The following TRANK1 variants were observed in gnomAD, a reference collection of about 807,000 sequenced individuals.
TRANK1 encodes TPR and ankyrin repeat-containing protein 1.
Under a neutral mutation model 266.0 loss-of-function variants are expected in TRANK1, and 198 were observed. That is an observed-to-expected ratio of 0.74 (90% CI 0.66 to 0.84). The LOEUF (loss-of-function observed/expected upper bound fraction) is 0.84. TRANK1 is among the 40% of genes least tolerant of loss of function. The pLI, the probability that TRANK1 is intolerant of heterozygous loss-of-function variation, is 0.00. For synonymous variants in TRANK1, 1,396 were observed against 1,384.1 expected (o/e 1.01, Z -0.19); for missense variants, 3,326 against 3,634.6 (o/e 0.92, Z 2.18).
intron 9 of TRANK1, among the ~76,000 whole-genome samples, chr3:36,867,848 C>T (rs144347305): frequency 5.8e-4 from 88 of 152,340 alleles, no homozygotes; most frequent in African/African-American, 1.7e-3. Flanking sequence ...ATTATAACAT[C>T]GATGAGAAAA....
intron 9 of TRANK1, among the ~76,000 whole-genome samples, chr3:36,866,115 A>T (rs1246579712): frequency 2.7e-5 from 4 of 150,342 alleles, no homozygotes; most frequent in African/African-American, 9.9e-5. Context: ...AAAGAAAGAA[A>T]GAGTCACCGA....
At chr3:36,830,505 A>C (rs1291424316) in intron 22 of TRANK1, among the ~76,000 whole-genome samples, 14 of 152,178 alleles carry the variant, frequency 9.2e-5, no homozygotes, top group Non-Finnish European at 2.9e-5. Context: ...TTAACACCTT[A>C]AACATTTTCC....
intron 1 of TRANK1, among the ~76,000 whole-genome samples, chr3:36,919,232 A>G (rs1358617195): frequency 6.6e-6 from 1 of 152,106 alleles, no homozygotes; most frequent in Admixed American, 6.6e-5. Flanking sequence ...ATACCCATCT[A>G]CCCATCTAAC....
At chr3:36,936,062 C>A (rs2080421130) in intron 1 of TRANK1, among the ~76,000 whole-genome samples, 1 of 152,114 alleles carries the variant, frequency 6.6e-6, no homozygotes, top group Non-Finnish European at 1.5e-5. Context: ...GGTCAGCAAA[C>A]AAGGTAACAT....
intron 20 of TRANK1, among the ~76,000 whole-genome samples, chr3:36,836,288 G>A (rs2125512073): frequency 6.9e-6 from 1 of 144,932 alleles, no homozygotes; most frequent in South Asian, 2.2e-4. Flanking sequence ...AAGACATACT[G>A]TGCCAAGGTG....
At chr3:36,905,239 C>A (rs1364760435) in intron 2 of TRANK1, among the ~76,000 whole-genome samples, 1 of 149,506 alleles carries the variant, frequency 6.7e-6, no homozygotes, top group Non-Finnish European at 1.5e-5. Flanking sequence ...TGCAGTGAGC[C>A]GAGATCGTGC....
chr3:36,912,614 A>T (rs974878004), intron 1 of TRANK1, among the ~76,000 whole-genome samples: 1 of 152,250 alleles, frequency 6.6e-6, no homozygotes, highest in African/African-American at 2.4e-5. Context: ...AAGAAGATGC[A>T]AGAAAAATGC....
chr3:36,905,493 A>G (rs2079952315), intron 2 of TRANK1, among the ~76,000 whole-genome samples: 1 of 152,194 alleles, frequency 6.6e-6, no homozygotes, highest in Non-Finnish European at 1.5e-5. Context: ...ACAAGCCAGG[A>G]AGACAGCCCT....
At position 36,851,796 on chromosome 3, in the gene TRANK1, G is replaced by A. The variant is rs757282786; in HGVS notation, c.4810C>T (p.Leu1604Phe). 19 of 1,611,832 alleles carry A rather than the reference G, an allele frequency of 1.2e-5. No individual in the cohort carries two copies. The highest frequency in any genetic ancestry group is 8.9e-5 in the East Asian group (4 of 44,846). The change falls in exon 15 of 24, where the codon CTT becomes TTT. Residue 1604 changes from leucine (L) to phenylalanine (F), a missense_variant. Coordinates refer to ENST00000645898, the MANE Select transcript of TRANK1 (RefSeq NM_001329998.2). ...TTTGCTTCATAAATTGTTAGCACAA[G>A]TGCTAACCCCAGCTCTTCTGGAATT... ...EKIPEELGLA[L>F]VLTIYEAKGL...
In TRANK1 at chr3:36,944,910, G is replaced by C; in HGVS notation, c.-101C>G. ...CAGTGCGGAAGCCCGAAAGCTACCG[G>C]AGCCCGGGGCAGGGGCGGCGCGATG... is the stretch of plus-strand genomic sequence containing the variant. On this transcript the variant is annotated 5_prime_UTR_variant, in exon 1 of 24. Coordinates refer to ENST00000645898, the MANE Select transcript of TRANK1 (RefSeq NM_001329998.2). 1.6e-6 allele frequency: 2 copies of C among 1,259,256 alleles called. No homozygotes were observed. The highest frequency in any genetic ancestry group is 2.1e-6 in the Non-Finnish European group (2 of 975,014). The allele number at this position is 1,259,256 out of a possible 1,614,324, so 78.0% of individuals were successfully genotyped here. A position where few individuals can be genotyped will look rare whatever the true frequency, so the allele number is the denominator to read the frequency against.
chr3:36,893,008 C>T, intron 5 of TRANK1, 24 bp from the exon 6 acceptor site: 2 of 1,431,530 alleles, frequency 1.4e-6, no homozygotes, highest in Non-Finnish European at 9.3e-7. Context: ...ACAGAAAAGG[C>T]TGGAATAATA....
chr3:36,832,758 C>G lies in TRANK1; in HGVS notation c.6825G>C (p.Lys2275Asn), dbSNP rs1226670571. ...CTGACAACACTCTCTGATGGAAATG[C>G]TTAGGGAAAAGGACATCCAGAATGG... ...CKSILDVLFP[K>N]HFHQRVLSEN... is the part of the protein sequence containing the mutation. The change falls in exon 22 of 24, where the codon AAG becomes AAC. Residue 2275 changes from lysine (K) to asparagine (N), a missense_variant. Physicochemically the swap from Lys to Asn is moderately conservative, Grantham distance 94 (BLOSUM62 0). Coordinates refer to ENST00000645898, the MANE Select transcript of TRANK1 (RefSeq NM_001329998.2). The G allele has an allele frequency of 6.2e-7, 1 of 1,614,004 alleles. No homozygotes were observed. The highest frequency in any genetic ancestry group is 1.1e-5 in the South Asian group (1 of 91,078).
chr3:36,929,379 G>GGCC (rs1559479206), intron 1 of TRANK1: 2 of 152,202 alleles, frequency 1.3e-5, no homozygotes, highest in African/African-American at 4.8e-5. Flanking sequence ...GCCTCCCAAA[G>GGCC]TGCTGAGATT....
At chr3:36,911,242 A>G (rs6790996) in intron 1 of TRANK1, among the ~76,000 whole-genome samples, 133 of 152,322 alleles carry the variant, frequency 8.7e-4, no homozygotes, top group African/African-American at 3.1e-3. Flanking sequence ...ATAATCCCAA[A>G]TTGTTTTAAA....
intron 9 of TRANK1, 111 bp from the exon 10 acceptor site, chr3:36,864,591 T>A (rs1031981601): frequency 2.0e-6 from 2 of 1,010,502 alleles, no homozygotes; most frequent in African/African-American, 3.3e-5. Flanking sequence ...CTGTGCAGTG[T>A]GACTTGCTGC....
rs2078716554 is a variant in TRANK1 at position 36,832,893 on chromosome 3, T to G, written c.6690A>C (p.Ala2230=). 1 of 1,613,764 alleles carries G rather than the reference T, an allele frequency of 6.2e-7. No individual in the cohort carries two copies. The highest frequency in any genetic ancestry group is 8.5e-7 in the Non-Finnish European group (1 of 1,179,824). ...CLVQSKMNLV[A]INGLLLEAKK... ...TGGCTTCCAAAAGCAACCCGTTGAT[T>G]GCCACCAAGTTCATTTTCGACTGAA... Residue 2230 remains alanine (A), a synonymous_variant, in exon 22 of 24, where the codon GCA becomes GCC. Transcript: ENST00000645898.
chr3:36,854,480 T>C (rs1170040238), intron 13 of TRANK1, among the ~76,000 whole-genome samples: 1 of 152,158 alleles, frequency 6.6e-6, no homozygotes, highest in Non-Finnish European at 1.5e-5. Flanking sequence ...TGTAAAGCAA[T>C]ACTCCATATT....
intron 4 of TRANK1, among the ~76,000 whole-genome samples, chr3:36,898,814 G>A (rs1039547864): frequency 3.4e-5 from 5 of 148,832 alleles, no homozygotes; most frequent in Non-Finnish European, 5.9e-5. Flanking sequence ...TCGCATCACT[G>A]CACTCCGGCC....
chr3:36,908,231 A>C, intron 2 of TRANK1, 92 bp downstream of exon 2: 1 of 1,212,950 alleles, frequency 8.2e-7, no homozygotes, highest in Non-Finnish European at 1.0e-6. Context: ...AAACAGAAAC[A>C]GGGTGGAATG....
Sources: gnomAD v4.1 joint callset for allele counts (sites outside exome capture counted in the v4.1 genomes callset) on GRCh38, gnomAD v4.1.1 for gene constraint, MANE v1.5 for transcripts, NCBI Gene and HGNC (gene_info 2026-07-23, HGNC 2026-07-21) for gene names.